The following HS6ST3 variants were observed in gnomAD, a reference collection of about 807,000 sequenced individuals.
The protein encoded by HS6ST3 is heparan-sulfate 6-O-sulfotransferase 3.
HS6ST3 carries 12 observed loss-of-function variants against 36.7 expected under a neutral mutation model. The ratio of observed to expected loss-of-function variants is 0.33; its 90% confidence interval spans 0.21 to 0.53. The LOEUF is 0.53. HS6ST3 is among the 20% of genes least tolerant of loss of function. The pLI is 0.95. For synonymous variants in HS6ST3, 240 were observed against 257.5 expected, an observed-to-expected ratio of 0.93 and a Z score of 0.65; for missense variants, 584 against 640.9, an observed-to-expected ratio of 0.91 and a Z score of 0.96.
At chr13:96,229,924 G>A (rs755089053) in intron 1 of HS6ST3, among the ~76,000 whole-genome samples, 3 of 152,138 alleles carry the variant, frequency 2.0e-5, no homozygotes, top group Non-Finnish European at 4.4e-5. Flanking sequence ...GAAACATTTA[G>A]GCTGTGTCTC....
chr13:96,203,181 A>G (rs930675616), intron 1 of HS6ST3, among the ~76,000 whole-genome samples: 1 of 152,220 alleles, frequency 6.6e-6, no homozygotes, highest in Admixed American at 6.5e-5. Flanking sequence ...AGCAGAATAC[A>G]ATAGACAGGG....
chr13:96,505,311 C>G (rs2056021993), intron 1 of HS6ST3, among the ~76,000 whole-genome samples: 1 of 152,142 alleles, frequency 6.6e-6, no homozygotes, highest in African/African-American at 2.4e-5. Flanking sequence ...GCAAGTGGGT[C>G]ATGAAAGGGA....
intron 1 of HS6ST3, among the ~76,000 whole-genome samples, chr13:96,264,444 G>A (rs184274205): frequency 2.4e-4 from 37 of 152,292 alleles, no homozygotes; most frequent in African/African-American, 8.4e-4. Flanking sequence ...AAGTGTTTTG[G>A]CTGGCCCTGG....
At chr13:96,289,878 A>T (rs2054821412) in intron 1 of HS6ST3, among the ~76,000 whole-genome samples, 1 of 152,124 alleles carries the variant, frequency 6.6e-6, no homozygotes, top group Non-Finnish European at 1.5e-5. Flanking sequence ...GAGTGTGAGG[A>T]TTAAAGAAAG....
In HS6ST3 at chr13:96,416,967, G is replaced by C. The variant is rs2055536578; in HGVS notation, c.707+325398G>C. ...GGGTTTCACCATGTTAGCCAGGATG[G>C]TCTCGATCTCTAGACCTTGTGATCC... On this transcript the variant is annotated intron_variant, in intron 1 of 1. Coordinates refer to ENST00000376705, the MANE Select transcript of HS6ST3 (RefSeq NM_153456.4). 2.0e-5 allele frequency among the ~76,000 whole-genome samples: 3 copies of C among 151,992 alleles called. No homozygotes were observed. The South Asian group carries it at 6.2e-4, about 32-fold the overall frequency.
intron 1 of HS6ST3, among the ~76,000 whole-genome samples, chr13:96,293,404 A>G (rs1353013327): frequency 2.6e-5 from 4 of 152,096 alleles, no homozygotes; most frequent in Non-Finnish European, 5.9e-5. Context: ...AGAGTGCACC[A>G]TGTTTTCAAT....
chr13:96,676,619 A>G (rs1457532213), intron 1 of HS6ST3, among the ~76,000 whole-genome samples: 1 of 152,178 alleles, frequency 6.6e-6, no homozygotes, highest in Non-Finnish European at 1.5e-5. Context: ...AGAGAAACAG[A>G]TAAGATTTTC....
rs142989639 is a variant in HS6ST3 at position 96,360,629 on chromosome 13, T to C, written c.707+269060T>C. Among the ~76,000 whole-genome samples, 541 of 135,784 alleles carry C rather than the reference T, an allele frequency of 4.0e-3. 2 individuals are homozygous for C. Among genetic ancestry groups the C allele is most frequent in the African/African-American group, 0.014 (501 of 35,180 alleles). The allele number at this position is 135,784 out of a possible 152,430, so 89.1% of individuals were successfully genotyped here. A position where few individuals can be genotyped will look rare whatever the true frequency, so the allele number is the denominator to read the frequency against. On this transcript the variant is annotated intron_variant, in intron 1 of 1. Transcript: ENST00000376705. ...AAGAGACAGAGACTACCCTGACTTA[T>C]GTTGTTTTTGTATTATCAAAAAAAA... is the stretch of plus-strand genomic sequence containing the variant.
intron 1 of HS6ST3, among the ~76,000 whole-genome samples, chr13:96,641,374 T>TG (rs2056569561): frequency 7.9e-6 from 1 of 126,296 alleles, no homozygotes; most frequent in African/African-American, 2.8e-5. Flanking sequence ...TTTTAAATAC[T>TG]GATTTTTTAT....
chr13:96,407,384 C>G (rs2055484055), intron 1 of HS6ST3, among the ~76,000 whole-genome samples: 1 of 152,172 alleles, frequency 6.6e-6, no homozygotes, highest in Non-Finnish European at 1.5e-5. Flanking sequence ...CATTCACTCC[C>G]TGTTTAACTT....
At chr13:96,551,374 G>C (rs947649082) in intron 1 of HS6ST3, among the ~76,000 whole-genome samples, 1 of 152,112 alleles carries the variant, frequency 6.6e-6, no homozygotes, top group African/African-American at 2.4e-5. Context: ...GCAAGGGTTG[G>C]TGAGCTCCCT....
intron 1 of HS6ST3, among the ~76,000 whole-genome samples, chr13:96,186,083 TGTATATGC>T: frequency 6.6e-6 from 1 of 152,248 alleles, no homozygotes; most frequent in African/African-American, 2.4e-5. Flanking sequence ...TGCATATATG[TGTATATGC>T]GTGTATATGT....
At chr13:96,284,478 G>A (rs1253722396) in intron 1 of HS6ST3, among the ~76,000 whole-genome samples, 2 of 152,166 alleles carry the variant, frequency 1.3e-5, no homozygotes, top group Non-Finnish European at 2.9e-5. Context: ...ATATAGGCCA[G>A]AGGTCTAAGT....
chr13:96,215,615 T>A (rs1240391411), intron 1 of HS6ST3, among the ~76,000 whole-genome samples: 1 of 152,210 alleles, frequency 6.6e-6, no homozygotes, highest in African/African-American at 2.4e-5. Flanking sequence ...TAGTTTCAAT[T>A]TCTTTGTTGT....
At chr13:96,190,483 T>C (rs1367350542) in intron 1 of HS6ST3, among the ~76,000 whole-genome samples, 8 of 152,174 alleles carry the variant, frequency 5.3e-5, no homozygotes, top group Non-Finnish European at 1.0e-4. Context: ...CCCAATGAGG[T>C]CCCCACTTGC....
In HS6ST3 at chr13:96,381,193, C is replaced by T. The variant is rs879758462; in HGVS notation, c.707+289624C>T. ...ATGGATAATGCTCTTTCACTTTGTACGCTCAGTGGGCACTGCTATTTTCTT... is the reference window on the plus strand; with the variant it reads ...ATGGATAATGCTCTTTCACTTTGTATGCTCAGTGGGCACTGCTATTTTCTT... On this transcript the variant is annotated intron_variant, in intron 1 of 1. Coordinates refer to ENST00000376705, the MANE Select transcript of HS6ST3 (RefSeq NM_153456.4). Among the ~76,000 whole-genome samples the T allele has an allele frequency of 1.2e-4, 19 of 152,270 alleles. No homozygotes were observed. In the South Asian group the frequency reaches 1.5e-3, roughly 12 times the overall value.
At chr13:96,552,845 G>T (rs1038820905) in intron 1 of HS6ST3, among the ~76,000 whole-genome samples, 2 of 152,146 alleles carry the variant, frequency 1.3e-5, no homozygotes, top group African/African-American at 4.8e-5. Context: ...CAGGGGGAAG[G>T]GGATTAGTAA....
intron 1 of HS6ST3, among the ~76,000 whole-genome samples, chr13:96,621,246 C>T (rs2056493944): frequency 6.6e-6 from 1 of 152,124 alleles, no homozygotes; most frequent in African/African-American, 2.4e-5. Context: ...AATTATAACC[C>T]GAATTGTAAT....
chr13:96,555,645 G>T (rs1411748946), intron 1 of HS6ST3, among the ~76,000 whole-genome samples: 1 of 152,086 alleles, frequency 6.6e-6, no homozygotes, highest in Non-Finnish European at 1.5e-5. Flanking sequence ...AATTACTTGG[G>T]TATAGATGTA....
Sources: allele counts gnomAD v4.1 joint callset (sites outside exome capture counted in the v4.1 genomes callset), GRCh38; gene constraint gnomAD v4.1.1; transcripts MANE v1.5; gene names NCBI Gene and HGNC (gene_info 2026-07-23, HGNC 2026-07-21).